Variants in KDM4C observed in about 807,000 individuals in gnomAD.
KDM4C encodes lysine-specific demethylase 4C.
Under a neutral mutation model 129.3 loss-of-function variants are expected in KDM4C, and 81 were observed. That is an observed-to-expected ratio of 0.63 (90% CI 0.52 to 0.75). The LOEUF (loss-of-function observed/expected upper bound fraction) is 0.75. Among genes scored for constraint, KDM4C ranks in the 30% least tolerant of loss-of-function variants. The probability of loss-of-function intolerance (pLI) is 0.00; values close to 1 mark genes in which losing one functional copy is unlikely to be tolerated. For synonymous variants in KDM4C, 573 were observed against 456.1 expected, an observed-to-expected ratio of 1.26 and a Z score of -3.26; for missense variants, 1,457 against 1,304.0, an observed-to-expected ratio of 1.12 and a Z score of -1.81.
intron 18 of KDM4C, among the ~76,000 whole-genome samples, chr9:7,111,897 G>T (rs1838360219): frequency 6.6e-6 from 1 of 152,132 alleles, no homozygotes; most frequent in Non-Finnish European, 1.5e-5. Flanking sequence ...TTTTAGGGAC[G>T]AGGTGAGGGA....
At chr9:7,022,585 G>A (rs907071591) in intron 15 of KDM4C, among the ~76,000 whole-genome samples, 1 of 150,456 alleles carries the variant, frequency 6.6e-6, no homozygotes, top group Non-Finnish European at 1.5e-5. Context: ...TATATCATCT[G>A]CAAACAACAA....
intron 12 of KDM4C, among the ~76,000 whole-genome samples, chr9:7,006,718 T>G (rs963834430): frequency 6.6e-6 from 1 of 152,182 alleles, no homozygotes; most frequent in Non-Finnish European, 1.5e-5. Context: ...TTTTGAGGAC[T>G]ATTTTTAGGC....
At chr9:6,946,616 GTGTT>G (rs1277572591) in intron 8 of KDM4C, among the ~76,000 whole-genome samples, 1 of 152,052 alleles carries the variant, frequency 6.6e-6, no homozygotes, top group Non-Finnish European at 1.5e-5. Context: ...ACTTTTCAAG[GTGTT>G]TGTTTATGTG....
chr9:6,769,522 A>G (rs886434342), intron 1 of KDM4C, among the ~76,000 whole-genome samples: 2 of 152,248 alleles, frequency 1.3e-5, no homozygotes, highest in Non-Finnish European at 2.9e-5. Flanking sequence ...TCAAATGGGA[A>G]TAATCACAGC....
intron 8 of KDM4C, among the ~76,000 whole-genome samples, chr9:6,912,747 G>T (rs1819558097): frequency 6.6e-6 from 1 of 152,172 alleles, no homozygotes; most frequent in Non-Finnish European, 1.5e-5. Context: ...TTCTAATGAG[G>T]ATAGCAGGTA....
intron 4 of KDM4C, chr9:6,834,652 C>G: frequency 1.3e-6 from 1 of 789,438 alleles, no homozygotes; most frequent in Non-Finnish European, 2.3e-6. Context: ...GCATCCTGAC[C>G]CTGAAGTGCC....
intron 5 of KDM4C, among the ~76,000 whole-genome samples, chr9:6,865,724 C>A (rs187334798): frequency 1.3e-5 from 2 of 150,836 alleles, no homozygotes; most frequent in Admixed American, 1.3e-4. Flanking sequence ...GCCACCATGC[C>A]TAGCTAATTT....
At chr9:7,108,881 T>C (rs1200824737) in intron 18 of KDM4C, among the ~76,000 whole-genome samples, 1 of 152,226 alleles carries the variant, frequency 6.6e-6, no homozygotes, top group Non-Finnish European at 1.5e-5. Flanking sequence ...TTTTAGTGTC[T>C]GTTATTGAGA....
intron 5 of KDM4C, among the ~76,000 whole-genome samples, chr9:6,859,809 A>C (rs1012030144): frequency 2.0e-5 from 3 of 151,052 alleles, no homozygotes; most frequent in Non-Finnish European, 3.0e-5. Flanking sequence ...AGCTTGTAGC[A>C]AGCCGAGATC....
intron 5 of KDM4C, among the ~76,000 whole-genome samples, chr9:6,868,741 G>A (rs10758806): frequency 0.59 from 88,975 of 151,638 alleles, 26,312 homozygotes; most frequent in South Asian, 0.7. Flanking sequence ...ATGGATGTGG[G>A]ACTCTCGGTG....
intron 20 of KDM4C, among the ~76,000 whole-genome samples, chr9:7,169,158 A>G (rs900392373): frequency 6.6e-6 from 1 of 152,014 alleles, no homozygotes; most frequent in African/African-American, 2.4e-5. Flanking sequence ...GTGCTGACAG[A>G]CCCAACCCAT....
At chr9:6,890,852 G>C (rs1432087738) in intron 7 of KDM4C, among the ~76,000 whole-genome samples, 1 of 152,188 alleles carries the variant, frequency 6.6e-6, no homozygotes, top group African/African-American at 2.4e-5. Flanking sequence ...ACCAGGAAAG[G>C]AGAGAGTTGG....
At chr9:6,808,503 G>C (rs192677254) in intron 3 of KDM4C, among the ~76,000 whole-genome samples, 16 of 143,974 alleles carry the variant, frequency 1.1e-4, no homozygotes, top group Non-Finnish European at 2.2e-4. Flanking sequence ...CAGCATGCTC[G>C]TTAAGAGTCA....
chr9:6,897,114 T>C (rs988104929), intron 8 of KDM4C, among the ~76,000 whole-genome samples: 3 of 152,242 alleles, frequency 2.0e-5, no homozygotes, highest in Non-Finnish European at 2.9e-5. Flanking sequence ...TGTCTGTCCC[T>C]GTGCGTAAAT....
intron 1 of KDM4C, among the ~76,000 whole-genome samples, chr9:6,766,260 T>C (rs1179579748): frequency 6.6e-6 from 1 of 152,210 alleles, no homozygotes; most frequent in African/African-American, 2.4e-5. Context: ...AAATCTGAAA[T>C]GAGCATTTAC....
intron 1 of KDM4C, among the ~76,000 whole-genome samples, chr9:6,788,331 A>G (rs1403701483): frequency 6.6e-6 from 1 of 151,894 alleles, no homozygotes; most frequent in Admixed American, 6.6e-5. Flanking sequence ...CCTTTTTCCT[A>G]TTGGCTTTTT....
intron 11 of KDM4C, among the ~76,000 whole-genome samples, chr9:6,987,720 G>A (rs1817974151): frequency 6.6e-6 from 1 of 152,008 alleles, no homozygotes; most frequent in Admixed American, 6.6e-5. Flanking sequence ...ACCCAATAGT[G>A]TTTATCTTTT....
At position 6,758,925 on chromosome 9, in the gene KDM4C, C is replaced by G. The variant is rs1428393787; in HGVS notation, c.-18+722C>G. 1.3e-5 allele frequency among the ~76,000 whole-genome samples: 2 copies of G among 152,204 alleles called. No homozygotes were observed. The highest frequency in any genetic ancestry group is 2.9e-5 in the Non-Finnish European group (2 of 68,046). On this transcript the variant is annotated intron_variant, in intron 1 of 21. Coordinates refer to ENST00000381309, the MANE Select transcript of KDM4C (RefSeq NM_015061.6). This position sits in a 1 kb window ranked among gnomAD's most constrained non-coding sequence, Gnocchi z 4.6. Reference sequence around the variant, plus strand: ...CTGTAGGCAGGAGCTTGGGGTTTTCCTCTGTGCTCCGCCAGTAAAGCCAGC... The same window carrying G: ...CTGTAGGCAGGAGCTTGGGGTTTTCGTCTGTGCTCCGCCAGTAAAGCCAGC...
At chr9:6,935,639 C>G (rs1433726651) in intron 8 of KDM4C, among the ~76,000 whole-genome samples, 1 of 150,904 alleles carries the variant, frequency 6.6e-6, no homozygotes, top group African/African-American at 2.4e-5. Context: ...TCTAATTTCT[C>G]ATTGTAATAT....
Sources: allele counts gnomAD v4.1 joint callset (sites outside exome capture counted in the v4.1 genomes callset), GRCh38; gene constraint gnomAD v4.1.1; non-coding constraint Gnocchi (gnomAD v3.1); transcripts MANE v1.5; gene names NCBI Gene and HGNC (gene_info 2026-07-23, HGNC 2026-07-21).